The following PKP4 variants were observed in gnomAD, a reference collection of about 807,000 sequenced individuals.
The protein encoded by PKP4 is plakophilin 4.
PKP4 carries 90 observed loss-of-function variants against 145.1 expected under a neutral mutation model. The observed-to-expected ratio is 0.62, with a 90% CI of 0.52 to 0.74. PKP4 has a LOEUF of 0.74. Ranked by LOEUF, PKP4 falls within the 30% of genes least tolerant of loss-of-function variation. PKP4 has a pLI of 0.00. For synonymous variants in PKP4, 563 were observed against 577.2 expected (o/e 0.98, Z 0.35); for missense variants, 1,340 against 1,482.7 (o/e 0.90, Z 1.58).
intron 11 of PKP4, among the ~76,000 whole-genome samples, chr2:158,650,390 T>C (rs1415275514): frequency 8.5e-5 from 13 of 152,320 alleles, no homozygotes; most frequent in African/African-American, 3.1e-4. Context: ...TAAAGAAGAA[T>C]ACATTAAAAT....
At chr2:158,589,355 C>T (rs2049059355) in intron 3 of PKP4, among the ~76,000 whole-genome samples, 2 of 152,086 alleles carry the variant, frequency 1.3e-5, no homozygotes, top group South Asian at 2.1e-4. Context: ...CTTGCTTTAC[C>T]ATTGGAGTGT....
At chr2:158,649,448 G>A (rs1041567273) in intron 11 of PKP4, among the ~76,000 whole-genome samples, 2 of 152,162 alleles carry the variant, frequency 1.3e-5, no homozygotes, top group Non-Finnish European at 2.9e-5. Context: ...TTTTACCCAG[G>A]ACCATAGAGA....
At chr2:158,634,547 T>C (rs2053651811) in intron 9 of PKP4, among the ~76,000 whole-genome samples, 1 of 152,200 alleles carries the variant, frequency 6.6e-6, no homozygotes, top group South Asian at 2.1e-4. Context: ...TCTGCAGCAT[T>C]CATCACTGAA....
rs868663296 is a variant in PKP4, at chr2:158,681,292, A to G, written c.*615A>G. On this transcript the variant is annotated 3_prime_UTR_variant, in exon 22 of 22. Coordinates refer to ENST00000389759, the MANE Select transcript of PKP4 (RefSeq NM_003628.6). Reference sequence around the variant, plus strand: ...GCGACACCCTTTGTCTCCACCACACATAGTGTACTTTGGAAGCACAACGTC... The same window carrying G: ...GCGACACCCTTTGTCTCCACCACACGTAGTGTACTTTGGAAGCACAACGTC... The G allele has an allele frequency of 6.5e-6, 1 of 152,864 alleles. No homozygotes were observed. The highest frequency in any genetic ancestry group is 1.5e-5 in the Non-Finnish European group (1 of 68,266). 9.5% of individuals were successfully genotyped at this position (152,864 alleles called of 1,614,324 possible). A position where few individuals can be genotyped will look rare whatever the true frequency, so the allele number is the denominator to read the frequency against.
intron 2 of PKP4, among the ~76,000 whole-genome samples, chr2:158,567,357 G>A (rs1272836549): frequency 6.6e-6 from 1 of 152,170 alleles, no homozygotes; most frequent in Non-Finnish European, 1.5e-5. Context: ...GTAGGTGCAT[G>A]AAAGGAAGTG....
chr2:158,530,454 G>A (rs1000053153), intron 1 of PKP4, among the ~76,000 whole-genome samples: 3 of 150,040 alleles, frequency 2.0e-5, no homozygotes, highest in African/African-American at 2.5e-5. Context: ...TGAGGGAAGC[G>A]TGAGGCCTAA....
chr2:158,472,928 C>A (rs1197103813), intron 1 of PKP4, among the ~76,000 whole-genome samples: 1 of 152,116 alleles, frequency 6.6e-6, no homozygotes, highest in Non-Finnish European at 1.5e-5. Flanking sequence ...TGACAAAGGT[C>A]TAATATCCAG....
At chr2:158,527,056 C>T (rs927244607) in intron 1 of PKP4, among the ~76,000 whole-genome samples, 2 of 124,922 alleles carry the variant, frequency 1.6e-5, no homozygotes, top group African/African-American at 6.3e-5. Context: ...AATGGCCATA[C>T]TGCCCAAGGT....
chr2:158,491,691 G>A (rs940651533), intron 1 of PKP4, among the ~76,000 whole-genome samples: 9 of 151,894 alleles, frequency 5.9e-5, no homozygotes, highest in South Asian at 2.1e-4. Context: ...CAAAATCATC[G>A]TTTGTTCTCC....
chr2:158,676,827 C>A lies in PKP4; in HGVS notation c.3216C>A (p.Tyr1072Ter). Residue 1072 changes from tyrosine to a stop codon, truncating the protein, a stop_gained, in exon 20 of 22, where the codon TAC becomes TAA. Transcript: ENST00000389759. LOFTEE classifies it high-confidence loss of function. ...YDRTQPPMQY[Y>*]NSQGDATHKG... Reference sequence around the variant, plus strand: ...GGACCCAGCCACCTATGCAGTATTACAATAGCCAAGGGGATGCCACACATA... The same window carrying A: ...GGACCCAGCCACCTATGCAGTATTAAAATAGCCAAGGGGATGCCACACATA... 1 of 1,614,106 alleles carries A rather than the reference C, an allele frequency of 6.2e-7. No homozygotes were observed. The highest frequency in any genetic ancestry group is 8.5e-7 in the Non-Finnish European group (1 of 1,180,006).
intron 4 of PKP4, among the ~76,000 whole-genome samples, chr2:158,608,804 C>CT (rs2050864848): frequency 3.8e-5 from 2 of 52,472 alleles, no homozygotes; most frequent in African/African-American, 5.1e-5. Flanking sequence ...ATTTTCTTTT[C>CT]TTTCTTTTTT....
chr2:158,650,410 A>G (rs1327815429), intron 11 of PKP4, among the ~76,000 whole-genome samples: 1 of 152,222 alleles, frequency 6.6e-6, no homozygotes, highest in African/African-American at 2.4e-5. Context: ...TGCAAATATG[A>G]TTCTGTAAAT....
At chr2:158,550,130 T>C (rs1212334950) in intron 2 of PKP4, among the ~76,000 whole-genome samples, 6 of 103,716 alleles carry the variant, frequency 5.8e-5, no homozygotes, top group African/African-American at 1.1e-4. Flanking sequence ...AACATTACTT[T>C]TCTGCCAAGA....
Position 158,566,126 on chromosome 2 carries a change from G to A in PKP4, c.133-11145G>A, listed in dbSNP as rs1187128896. Among the ~76,000 whole-genome samples, 235 of 152,262 alleles carry A rather than the reference G, an allele frequency of 1.5e-3. 4 individuals carry two copies. The East Asian group carries it at 0.021, about 13-fold the overall frequency. ...TAAGAAAAAAATCTTCCTGTGTTAGGTGGTATTTGTTTTCATTCTCATTAG... is the reference window on the plus strand; with the variant it reads ...TAAGAAAAAAATCTTCCTGTGTTAGATGGTATTTGTTTTCATTCTCATTAG... On this transcript the variant is annotated intron_variant, in intron 2 of 21. Coordinates refer to ENST00000389759, the MANE Select transcript of PKP4 (RefSeq NM_003628.6).
At chr2:158,588,616 A>G (rs574169311) in intron 3 of PKP4, among the ~76,000 whole-genome samples, 2 of 152,286 alleles carry the variant, frequency 1.3e-5, no homozygotes, top group East Asian at 3.9e-4. Context: ...ATTGTAGAAC[A>G]AAGTACACCA....
At chr2:158,600,270 G>A (rs1330514453) in intron 3 of PKP4, among the ~76,000 whole-genome samples, 1 of 152,174 alleles carries the variant, frequency 6.6e-6, no homozygotes, top group Non-Finnish European at 1.5e-5. Flanking sequence ...TTGAAACAAA[G>A]TTATCATGGG....
At chr2:158,648,236 G>A (rs544018242) in intron 11 of PKP4, among the ~76,000 whole-genome samples, 104 of 152,248 alleles carry the variant, frequency 6.8e-4, no homozygotes, top group Non-Finnish European at 1.3e-3. Flanking sequence ...ACTGTTTATT[G>A]TGAAATGTTT....
chr2:158,659,741 G>C (rs2056372179), intron 12 of PKP4: 1 of 152,312 alleles, frequency 6.6e-6, no homozygotes, highest in Admixed American at 6.5e-5. Context: ...GCAGAAATGA[G>C]CTTGCAGCCG....
intron 2 of PKP4, among the ~76,000 whole-genome samples, chr2:158,554,589 C>G (rs1431110801): frequency 1.3e-5 from 2 of 151,892 alleles, no homozygotes; most frequent in African/African-American, 4.8e-5. Context: ...CCATGCCAGG[C>G]TAATTTTTTG....
Sources: gnomAD v4.1 joint callset for allele counts (sites outside exome capture counted in the v4.1 genomes callset) on GRCh38, gnomAD v4.1.1 for gene constraint, MANE v1.5 for transcripts, NCBI Gene and HGNC (gene_info 2026-07-23, HGNC 2026-07-21) for gene names.